The following VPS53 variants were observed in gnomAD, a reference collection of about 807,000 sequenced individuals.
VPS53 encodes the protein vacuolar protein sorting-associated protein 53 homolog.
A neutral mutation model predicts 107.0 loss-of-function variants in VPS53; 70 were observed. The observed-to-expected ratio is 0.65, with a 90% confidence interval of 0.54 to 0.80. VPS53 has a LOEUF of 0.80. VPS53 is among the 30% of genes least tolerant of loss of function. VPS53 has a pLI of 0.00. For missense variants in VPS53, 917 were observed against 1,049.4 expected (o/e 0.87, Z 1.74); for synonymous variants, 409 against 393.3 (o/e 1.04, Z -0.47).
intron 11 of VPS53, among the ~76,000 whole-genome samples, chr17:604,887 G>C (rs1327417515): frequency 2.6e-5 from 4 of 152,146 alleles, no homozygotes; most frequent in African/African-American, 9.7e-5. Context: ...GATATGCTTG[G>C]CCCTAGGAGT....
At chr17:701,497 C>A (rs1417235911) in intron 2 of VPS53, among the ~76,000 whole-genome samples, 1 of 151,862 alleles carries the variant, frequency 6.6e-6, no homozygotes, top group Non-Finnish European at 1.5e-5. Context: ...CCTGCCTCAG[C>A]CTCCCGAGTA....
intron 19 of VPS53, among the ~76,000 whole-genome samples, chr17:522,124 C>A (rs1215607757): frequency 6.6e-6 from 1 of 151,936 alleles, no homozygotes; most frequent in East Asian, 1.9e-4. Context: ...CGTGGGGGTG[C>A]GCATCTGTGG....
chr17:557,876 T>A (rs896533181), intron 15 of VPS53, among the ~76,000 whole-genome samples: 107 of 149,728 alleles, frequency 7.1e-4, no homozygotes, highest in African/African-American at 2.5e-3. Flanking sequence ...TTTTTTTTTT[T>A]AGAGACAGGG....
intron 2 of VPS53, among the ~76,000 whole-genome samples, chr17:701,336 C>T (rs7214233): frequency 1.7e-3 from 262 of 151,486 alleles, no homozygotes; most frequent in African/African-American, 6.1e-3. Context: ...AAAAGAAAAA[C>T]GAATCTCAGA....
At chr17:599,261 C>T (rs2143007203) in intron 12 of VPS53, among the ~76,000 whole-genome samples, 1 of 152,264 alleles carries the variant, frequency 6.6e-6, no homozygotes, top group East Asian at 1.9e-4. Flanking sequence ...TACCCAACAG[C>T]TCATTGAGAA....
chr17:520,903 T>C lies in VPS53; in HGVS notation c.2223+698A>G, dbSNP rs1258834775. Among the ~76,000 whole-genome samples, 1 of 149,616 alleles carries C rather than the reference T, an allele frequency of 6.7e-6. No individual in the cohort carries two copies. Among genetic ancestry groups the C allele is most frequent in the African/African-American group, 2.5e-5 (1 of 40,672 alleles). ...GCTCTTCACCCTTACCTACATGAGC[T>C]GCTTCATCCTCACCCACATCCCACC... On this transcript the variant is annotated intron_variant, in intron 20 of 21. Transcript: ENST00000437048. This position sits in a 1 kb window ranked among gnomAD's most constrained non-coding sequence, Gnocchi z 4.4.
chr17:662,659 AG>A (rs1567719564), intron 4 of VPS53, among the ~76,000 whole-genome samples: 1 of 151,644 alleles, frequency 6.6e-6, no homozygotes, highest in Non-Finnish European at 1.5e-5. Flanking sequence ...ACTGCACTCC[AG>A]CCTGGGTGAC....
At chr17:604,806 T>A (rs1187484404) in intron 11 of VPS53, among the ~76,000 whole-genome samples, 1 of 152,180 alleles carries the variant, frequency 6.6e-6, no homozygotes, top group Non-Finnish European at 1.5e-5. Flanking sequence ...TTGTGGCACA[T>A]GCATTCCACA....
At chr17:589,074 T>C (rs531162379) in intron 12 of VPS53, among the ~76,000 whole-genome samples, 1 of 152,008 alleles carries the variant, frequency 6.6e-6, no homozygotes, top group East Asian at 1.9e-4. Flanking sequence ...ATAAGTATTA[T>C]AGCTATTCTT....
At chr17:687,723 G>GT (rs1171507411) in intron 4 of VPS53, among the ~76,000 whole-genome samples, 1 of 152,134 alleles carries the variant, frequency 6.6e-6, no homozygotes, top group Non-Finnish European at 1.5e-5. Context: ...GGGCAACAAA[G>GT]TAAGACCCTG....
At chr17:585,380 G>A (rs1171528862) in intron 13 of VPS53, among the ~76,000 whole-genome samples, 1 of 152,200 alleles carries the variant, frequency 6.6e-6, no homozygotes, top group Non-Finnish European at 1.5e-5. Context: ...GGAATGGCTG[G>A]GCAAGGTGGC....
At chr17:591,896 T>C (rs1247795593) in intron 12 of VPS53, among the ~76,000 whole-genome samples, 1 of 152,182 alleles carries the variant, frequency 6.6e-6, no homozygotes, top group Non-Finnish European at 1.5e-5. Flanking sequence ...GTTCTGTAGA[T>C]GTCTATTAGG....
chr17:702,941 C>T (rs934360717), intron 2 of VPS53, among the ~76,000 whole-genome samples: 3 of 152,204 alleles, frequency 2.0e-5, no homozygotes, highest in East Asian at 3.9e-4. Context: ...CATGGTGGCT[C>T]ATGCCTGTAA....
intron 17 of VPS53, among the ~76,000 whole-genome samples, chr17:542,704 G>A (rs189693931): frequency 7.9e-5 from 12 of 152,174 alleles, no homozygotes; most frequent in East Asian, 7.7e-4. Flanking sequence ...CTGACCGGGC[G>A]CGATGGCAAC....
At chr17:643,260 G>C (rs112343552) in intron 7 of VPS53, among the ~76,000 whole-genome samples, 159 of 3,102 alleles carry the variant, frequency 0.051, 57 homozygotes, top group African/African-American at 0.12. Flanking sequence ...TACTTGGAAA[G>C]TGAGGACAAC....
chr17:620,680 T>A (rs1401016387), intron 11 of VPS53, among the ~76,000 whole-genome samples: 3 of 148,148 alleles, frequency 2.0e-5, no homozygotes, highest in Admixed American at 6.8e-5. Flanking sequence ...TACATTCTAT[T>A]TTTTTTTTTT....
intron 8 of VPS53, among the ~76,000 whole-genome samples, chr17:628,966 T>C (rs16954080): frequency 0.016 from 2,369 of 152,342 alleles, 24 homozygotes; most frequent in Middle Eastern, 0.031. Context: ...TGAGTGAACA[T>C]GACTGGCTAA....
intron 12 of VPS53, 87 bp downstream of exon 12, chr17:601,708 G>C: frequency 9.6e-7 from 1 of 1,041,800 alleles, no homozygotes; most frequent in Non-Finnish European, 1.4e-6. Context: ...GTGGCCAAGA[G>C]CCAAAGGATC....
At chr17:589,203 T>C (rs1404672975) in intron 12 of VPS53, among the ~76,000 whole-genome samples, 3 of 152,048 alleles carry the variant, frequency 2.0e-5, no homozygotes, top group Admixed American at 1.3e-4. Context: ...AATCAACGTG[T>C]ATATTTTGCT....
Sources: allele counts gnomAD v4.1 joint callset (sites outside exome capture counted in the v4.1 genomes callset), GRCh38; gene constraint gnomAD v4.1.1; non-coding constraint Gnocchi (gnomAD v3.1); transcripts MANE v1.5; gene names NCBI Gene and HGNC (gene_info 2026-07-23, HGNC 2026-07-21).